CLVS1: variants seen among roughly 807,000 people sequenced by gnomAD.
The protein encoded by CLVS1 is clavesin-1.
CLVS1 carries 10 observed loss-of-function variants against 33.1 expected under a neutral mutation model. The observed-to-expected ratio is 0.30, with a 90% CI of 0.19 to 0.51. The LOEUF (loss-of-function observed/expected upper bound fraction) is 0.51, where lower values mean the gene tolerates loss of function less well. CLVS1 is among the 20% of genes least tolerant of loss of function. The pLI is 0.97. For missense variants in CLVS1, 343 were observed against 433.4 expected (o/e 0.79, Z 1.85); for synonymous variants, 163 against 166.1 (o/e 0.98, Z 0.14).
chr8:61,056,040 T>C (rs1433593846), upstream of CLVS1, among the ~76,000 whole-genome samples: 2 of 152,230 alleles, frequency 1.3e-5, no homozygotes, highest in Non-Finnish European at 2.9e-5. Flanking sequence ...TTGGGATTGG[T>C]GCAGACTTAT....
At chr8:61,362,200 G>A (rs987543978) in intron 2 of CLVS1, among the ~76,000 whole-genome samples, 1 of 152,178 alleles carries the variant, frequency 6.6e-6, no homozygotes, top group African/African-American at 2.4e-5. Context: ...GACTTCCTGT[G>A]GTAGGAAGGT....
At chr8:61,397,121 C>A (rs751960843) in intron 3 of CLVS1, among the ~76,000 whole-genome samples, 1 of 152,112 alleles carries the variant, frequency 6.6e-6, no homozygotes, top group African/African-American at 2.4e-5. Context: ...AACCATTTTC[C>A]AAAGTGACTG....
chr8:61,313,291 G>T (rs925481874), intron 2 of CLVS1, among the ~76,000 whole-genome samples: 1 of 152,140 alleles, frequency 6.6e-6, no homozygotes, highest in Non-Finnish European at 1.5e-5. Flanking sequence ...CACCATGTAA[G>T]GGTCTAGAAG....
At chr8:61,257,976 A>T (rs927323561) in intron 2 of CLVS1, among the ~76,000 whole-genome samples, 7 of 152,096 alleles carry the variant, frequency 4.6e-5, no homozygotes, top group Non-Finnish European at 8.8e-5. Flanking sequence ...GGTGGTAGTG[A>T]CTACTACCAC....
At chr8:61,322,077 A>C (rs1482695651) in intron 2 of CLVS1, among the ~76,000 whole-genome samples, 2 of 152,198 alleles carry the variant, frequency 1.3e-5, no homozygotes, top group African/African-American at 4.8e-5. Context: ...CAGAAGGAGA[A>C]TAGAGATCTT....
In CLVS1 at chr8:61,330,575, G is replaced by A. The variant is rs369541686; in HGVS notation, c.455+30293G>A. On this transcript the variant is annotated intron_variant, in intron 2 of 5. Transcript: ENST00000325897. The stretch of plus-strand genomic sequence containing the variant: ...TGGGACTAAATCTCCTCTCAGTTTG[G>A]TCAAACACACTGACTAATATCTTTA... Among the ~76,000 whole-genome samples the A allele has an allele frequency of 8.5e-5, 13 of 152,238 alleles. No homozygotes were observed. In the East Asian group the frequency reaches 2.5e-3, roughly 29 times the overall value.
intron 2 of CLVS1, among the ~76,000 whole-genome samples, chr8:61,313,924 G>A (rs1810925985): frequency 6.6e-6 from 1 of 152,150 alleles, no homozygotes; most frequent in African/African-American, 2.4e-5. Context: ...CACCACCTGG[G>A]AGTCATGGGC....
chr8:61,384,907 G>A (rs1814021358), intron 3 of CLVS1, among the ~76,000 whole-genome samples: 2 of 152,164 alleles, frequency 1.3e-5, no homozygotes, highest in African/African-American at 4.8e-5. Context: ...GGGACAGGAA[G>A]CTGTGAGAAG....
At chr8:61,363,277 A>C (rs905691330) in intron 2 of CLVS1, among the ~76,000 whole-genome samples, 14 of 152,236 alleles carry the variant, frequency 9.2e-5, no homozygotes, top group Admixed American at 2.0e-4. Flanking sequence ...GTGAGAATTT[A>C]AAATATGTAA....
chr8:61,170,914 G>A (rs1313896043), intron 2 of CLVS1, among the ~76,000 whole-genome samples: 1 of 152,170 alleles, frequency 6.6e-6, no homozygotes, highest in East Asian at 1.9e-4. Flanking sequence ...TTTTGAAAAG[G>A]AGTAGAGAAA....
intron 2 of CLVS1, among the ~76,000 whole-genome samples, chr8:61,204,798 C>T (rs1443091997): frequency 6.6e-6 from 1 of 152,156 alleles, no homozygotes; most frequent in Non-Finnish European, 1.5e-5. Flanking sequence ...CCTTTGCTTT[C>T]TTCAAGAGCT....
intron 5 of CLVS1, among the ~76,000 whole-genome samples, chr8:61,492,013 A>G (rs1052001987): frequency 8.5e-5 from 13 of 152,176 alleles, no homozygotes; most frequent in Non-Finnish European, 5.9e-5. Context: ...AATACATGGA[A>G]AGGGTTTAGA....
intron 3 of CLVS1, among the ~76,000 whole-genome samples, chr8:61,445,617 TA>T (rs911190103): frequency 2.0e-5 from 3 of 152,206 alleles, no homozygotes; most frequent in Non-Finnish European, 4.4e-5. Context: ...CTTTTTTTTA[TA>T]ATTTGTTTGA....
At chr8:61,365,777 G>A (rs919003749) in intron 2 of CLVS1, among the ~76,000 whole-genome samples, 7 of 125,726 alleles carry the variant, frequency 5.6e-5, no homozygotes, top group African/African-American at 1.3e-4. Flanking sequence ...GTGTGTGTGC[G>A]TGTGTGTGTG....
chr8:61,211,821 G>A (rs1243753321), intron 2 of CLVS1, among the ~76,000 whole-genome samples: 1 of 152,156 alleles, frequency 6.6e-6, no homozygotes, highest in Non-Finnish European at 1.5e-5. Flanking sequence ...ATTATAGGAG[G>A]GAAGCAGAAA....
At chr8:61,347,286 AG>A (rs1812254447) in intron 2 of CLVS1, among the ~76,000 whole-genome samples, 1 of 152,130 alleles carries the variant, frequency 6.6e-6, no homozygotes, top group African/African-American at 2.4e-5. Context: ...ACCTGAATTC[AG>A]GAGAGACCAG....
At chr8:61,479,905 G>T (rs1396730672) in intron 5 of CLVS1, among the ~76,000 whole-genome samples, 3 of 152,100 alleles carry the variant, frequency 2.0e-5, no homozygotes, top group Non-Finnish European at 4.4e-5. Context: ...GCGGATATTG[G>T]TGAACCGCAA....
At chr8:61,254,782 G>T (rs145747147) in intron 2 of CLVS1, among the ~76,000 whole-genome samples, 2 of 152,196 alleles carry the variant, frequency 1.3e-5, no homozygotes, top group Admixed American at 1.3e-4. Flanking sequence ...TGCAGTATTA[G>T]GGTGGGACTG....
At chr8:60,971,714 G>A in the CLVS1 span, among the ~76,000 whole-genome samples, 1 of 152,118 alleles carries the variant, frequency 6.6e-6, no homozygotes, top group Non-Finnish European at 1.5e-5. Context: ...TTCTAGAGCT[G>A]TTCATATTTC....
Sources: allele counts gnomAD v4.1 joint callset (sites outside exome capture counted in the v4.1 genomes callset), GRCh38; gene constraint gnomAD v4.1.1; transcripts MANE v1.5; gene names NCBI Gene and HGNC (gene_info 2026-07-23, HGNC 2026-07-21).